DPP10: variants seen among roughly 807,000 people sequenced by gnomAD.
DPP10 encodes the protein inactive dipeptidyl peptidase 10.
Under a neutral mutation model 120.9 loss-of-function variants are expected in DPP10, and 33 were observed. That is an observed-to-expected ratio of 0.27 (90% CI 0.21 to 0.37). DPP10 has a LOEUF of 0.37. Among genes scored for constraint, DPP10 ranks in the 10% least tolerant of loss-of-function variants. The pLI is 1.00. For missense variants in DPP10, 816 were observed against 942.8 expected (o/e 0.87, Z 1.76); for synonymous variants, 337 against 326.1 (o/e 1.03, Z -0.36).
At chr2:115,796,846 T>C (rs2149943159) in intron 19 of DPP10, among the ~76,000 whole-genome samples, 1 of 152,208 alleles carries the variant, frequency 6.6e-6, no homozygotes, top group Non-Finnish European at 1.5e-5. Context: ...AAGGAAACTA[T>C]AACTAAAATA....
chr2:114,978,342 C>T (rs1474389037), intron 1 of DPP10, among the ~76,000 whole-genome samples: 1 of 152,064 alleles, frequency 6.6e-6, no homozygotes, highest in Non-Finnish European at 1.5e-5. Flanking sequence ...TTCAGTAGGT[C>T]GGGGAAATGA....
At chr2:115,062,166 G>GTATGTA (rs1553480281) in intron 1 of DPP10, among the ~76,000 whole-genome samples, 2 of 142,060 alleles carry the variant, frequency 1.4e-5, no homozygotes, top group African/African-American at 5.2e-5. Flanking sequence ...GTGTGTGTGT[G>GTATGTA]TGTATGTGTG....
At chr2:115,036,653 T>G (rs1484935165) in intron 1 of DPP10, among the ~76,000 whole-genome samples, 1 of 152,204 alleles carries the variant, frequency 6.6e-6, no homozygotes, top group Non-Finnish European at 1.5e-5. Flanking sequence ...GCTCGCCAGT[T>G]AAAGCTGCAT....
intron 5 of DPP10, among the ~76,000 whole-genome samples, chr2:115,532,351 C>T (rs1384659953): frequency 6.6e-6 from 1 of 151,904 alleles, no homozygotes; most frequent in Non-Finnish European, 1.5e-5. Context: ...AATTTTTTTT[C>T]TTAGCTCCAA....
At chr2:114,796,939 T>A (rs746536238) in intron 1 of DPP10, among the ~76,000 whole-genome samples, 1 of 152,258 alleles carries the variant, frequency 6.6e-6, no homozygotes, top group East Asian at 1.9e-4. Flanking sequence ...AAAATTGTAA[T>A]GGAGACAGAA....
At chr2:115,345,423 G>A (rs751850832) in intron 3 of DPP10, among the ~76,000 whole-genome samples, 7 of 152,068 alleles carry the variant, frequency 4.6e-5, no homozygotes, top group Non-Finnish European at 7.4e-5. Context: ...TTCTTCTAAT[G>A]TGTGATTATA....
At chr2:115,000,131 G>GT (rs1401373989) in intron 1 of DPP10, among the ~76,000 whole-genome samples, 2 of 149,522 alleles carry the variant, frequency 1.3e-5, no homozygotes, top group South Asian at 2.1e-4. Flanking sequence ...ACATTTATGG[G>GT]GTTTTTTTTC....
chr2:115,064,809 A>C (rs1706711601), intron 1 of DPP10: 1 of 1,304,096 alleles, frequency 7.7e-7, no homozygotes, highest in African/African-American at 1.5e-5. Flanking sequence ...TGAAAAGGTA[A>C]GTGGATGCTA....
intron 1 of DPP10, among the ~76,000 whole-genome samples, chr2:115,250,682 A>G (rs1043938503): frequency 5.9e-5 from 9 of 152,174 alleles, no homozygotes; most frequent in African/African-American, 1.7e-4. Flanking sequence ...TCAACACTGT[A>G]TTTTCTAGGT....
intron 1 of DPP10, among the ~76,000 whole-genome samples, chr2:115,293,597 G>C (rs1448336393): frequency 6.6e-6 from 1 of 152,018 alleles, no homozygotes; most frequent in African/African-American, 2.4e-5. Context: ...GGAAAGGGAA[G>C]AATAAAAGAA....
At chr2:114,926,689 G>A (rs1170169091) in intron 1 of DPP10, among the ~76,000 whole-genome samples, 1 of 152,084 alleles carries the variant, frequency 6.6e-6, no homozygotes, top group Non-Finnish European at 1.5e-5. Context: ...CCTCTAGCAA[G>A]CTACTTAATA....
intron 1 of DPP10, among the ~76,000 whole-genome samples, chr2:114,829,291 A>AAAAT (rs1389704723): frequency 1.3e-4 from 20 of 152,118 alleles, no homozygotes; most frequent in African/African-American, 2.2e-4. Context: ...CTCCATCTCA[A>AAAAT]AAATAAATAA....
Position 115,806,075 on chromosome 2 carries a change from A to G in DPP10, c.1701-8718A>G, listed in dbSNP as rs188175683. 1.9e-3 allele frequency among the ~76,000 whole-genome samples: 295 copies of G among 152,324 alleles called. 1 individual carries two copies. Among genetic ancestry groups the G allele is most frequent in the Non-Finnish European group, 3.8e-3 (260 of 68,028 alleles). ...GCTTTTATTACTTTTCCCTAAGAAA[A>G]AATTCTAGGGATAAAGGAATTTAAA... is the stretch of plus-strand genomic sequence containing the variant. On this transcript the variant is annotated intron_variant, in intron 19 of 25. Transcript: ENST00000410059.
chr2:115,506,028 T>A (rs34140834), intron 4 of DPP10, among the ~76,000 whole-genome samples: 32,100 of 151,712 alleles, frequency 0.21, 3,904 homozygotes, highest in East Asian at 0.39. Flanking sequence ...GTTTTATTAC[T>A]TTATGATGGA....
At chr2:114,927,271 A>T (rs1013543831) in intron 1 of DPP10, among the ~76,000 whole-genome samples, 1 of 151,912 alleles carries the variant, frequency 6.6e-6, no homozygotes, top group Non-Finnish European at 1.5e-5. Context: ...AAGACTAGGT[A>T]TTGTGAACCC....
intron 1 of DPP10, among the ~76,000 whole-genome samples, chr2:114,875,179 C>G (rs1472550323): frequency 1.3e-5 from 2 of 152,144 alleles, no homozygotes; most frequent in East Asian, 1.9e-4. Flanking sequence ...TGAGAGTTAT[C>G]TGTGCCAATG....
intron 1 of DPP10, among the ~76,000 whole-genome samples, chr2:114,708,429 C>T (rs1700817937): frequency 1.3e-5 from 2 of 152,164 alleles, no homozygotes; most frequent in African/African-American, 4.8e-5. Flanking sequence ...CCAAAAACTA[C>T]AGCAGAAGGG....
At chr2:115,241,338 A>G (rs958733708) in intron 1 of DPP10, among the ~76,000 whole-genome samples, 3 of 152,208 alleles carry the variant, frequency 2.0e-5, no homozygotes, top group African/African-American at 7.2e-5. Flanking sequence ...CTGCATGTTT[A>G]AACAGTTTGC....
chr2:115,040,761 C>G (rs1274725739), intron 1 of DPP10, among the ~76,000 whole-genome samples: 8 of 152,248 alleles, frequency 5.3e-5, no homozygotes, highest in Admixed American at 2.0e-4. Context: ...CCCTCACTCT[C>G]TTCCTCCTGT....
Sources: allele counts gnomAD v4.1 joint callset (sites outside exome capture counted in the v4.1 genomes callset), GRCh38; gene constraint gnomAD v4.1.1; transcripts MANE v1.5; gene names NCBI Gene and HGNC (gene_info 2026-07-23, HGNC 2026-07-21).